The following PHF24 variants were observed in gnomAD, a reference collection of about 807,000 sequenced individuals.
PHF24 encodes Galpha inhibitory interacting protein.
Under a neutral mutation model 42.6 loss-of-function variants are expected in PHF24, and 25 were observed. That is an observed-to-expected ratio of 0.59 (90% CI 0.43 to 0.82). The LOEUF is 0.82. Among genes scored for constraint, PHF24 ranks in the 40% least tolerant of loss-of-function variants. The pLI, the probability that PHF24 is intolerant of heterozygous loss-of-function variation, is 0.00. For synonymous variants in PHF24, 185 were observed against 204.8 expected (o/e 0.90, Z 0.83); for missense variants, 470 against 538.1 (o/e 0.87, Z 1.25).
chr9:34,830,726 G>A, the PHF24 span, among the ~76,000 whole-genome samples: 6 of 152,280 alleles, frequency 3.9e-5, no homozygotes, highest in African/African-American at 7.2e-5. Flanking sequence ...AAGCTACACT[G>A]AGAGACCTCC....
chr9:34,967,962 G>A (rs556752049), intron 1 of PHF24, among the ~76,000 whole-genome samples: 2 of 152,318 alleles, frequency 1.3e-5, no homozygotes, highest in African/African-American at 4.8e-5. Flanking sequence ...TCATAGAACA[G>A]GGGACCCAAA....
the PHF24 span, among the ~76,000 whole-genome samples, chr9:34,883,474 G>C: frequency 1.3e-5 from 2 of 152,264 alleles, no homozygotes; most frequent in East Asian, 3.9e-4. Context: ...ATCTGACAAA[G>C]GGCTAATATC....
chr9:34,889,650 C>T, the PHF24 span: 3 of 398,450 alleles, frequency 7.5e-6, no homozygotes, highest in Admixed American at 1.3e-4. Flanking sequence ...AAGGATGATG[C>T]TCTTGTGAGT....
chr9:34,910,901 C>T, the PHF24 span, among the ~76,000 whole-genome samples: 1 of 151,892 alleles, frequency 6.6e-6, no homozygotes, highest in Non-Finnish European at 1.5e-5. Flanking sequence ...TAGCTTACTA[C>T]AGCTTCCATC....
chr9:34,891,788 G>A, the PHF24 span, among the ~76,000 whole-genome samples: 1 of 152,282 alleles, frequency 6.6e-6, no homozygotes, highest in South Asian at 2.1e-4. Context: ...GGCTTACATT[G>A]TATGATTTCC....
At chr9:34,814,952 G>A in the PHF24 span, among the ~76,000 whole-genome samples, 1 of 152,100 alleles carries the variant, frequency 6.6e-6, no homozygotes, top group Admixed American at 6.5e-5. Context: ...TGTTGGCCAG[G>A]CTAGTCTCGA....
the PHF24 span, chr9:34,728,115 G>A: frequency 6.5e-7 from 1 of 1,544,476 alleles, no homozygotes; most frequent in African/African-American, 1.4e-5. Context: ...TATATGGCAT[G>A]GGATAATTTC....
At chr9:34,805,749 C>T in the PHF24 span, among the ~76,000 whole-genome samples, 1 of 151,924 alleles carries the variant, frequency 6.6e-6, no homozygotes. Context: ...CTTTCGTTGC[C>T]TGTGCTTTTG....
chr9:34,763,455 A>G, the PHF24 span, among the ~76,000 whole-genome samples: 1 of 152,096 alleles, frequency 6.6e-6, no homozygotes, highest in East Asian at 1.9e-4. Context: ...TTCTCTTTGA[A>G]GCAATTGTGA....
At chr9:34,823,278 C>T in the PHF24 span, among the ~76,000 whole-genome samples, 1 of 150,960 alleles carries the variant, frequency 6.6e-6, no homozygotes, top group South Asian at 2.1e-4. Flanking sequence ...AAGGGACTTT[C>T]CAGCCTGGCA....
chr9:34,834,866 A>G, the PHF24 span: 1 of 1,496,898 alleles, frequency 6.7e-7, no homozygotes, highest in Non-Finnish European at 8.9e-7. Flanking sequence ...TTTAGGGAGC[A>G]GTTGGGGGAA....
In PHF24 at chr9:34,971,096, T is replaced by TTAAA. The variant is rs557222515; in HGVS notation, c.-4-182_-4-179dup. Among the ~76,000 whole-genome samples the TTAAA allele has an allele frequency of 7.8e-4, 118 of 151,884 alleles. 2 individuals carry two copies. The South Asian group carries it at 0.019, about 25-fold the overall frequency. On this transcript the variant is annotated intron_variant, in intron 1 of 7. Coordinates refer to ENST00000242315, the Ensembl canonical transcript of PHF24. The stretch of plus-strand genomic sequence containing the variant: ...TAAGACCTCATCTCTAATAAATAAA[T>TTAAA]TAAATAAATAAATAAATAAAATTTA...
chr9:34,702,083 G>T, the PHF24 span, among the ~76,000 whole-genome samples: 6 of 152,142 alleles, frequency 3.9e-5, no homozygotes, highest in Non-Finnish European at 8.8e-5. Flanking sequence ...GGGGCTGGAG[G>T]ATGAAGGGCT....
chr9:34,846,372 T>A, the PHF24 span, among the ~76,000 whole-genome samples: 1 of 151,844 alleles, frequency 6.6e-6, no homozygotes, highest in Non-Finnish European at 1.5e-5. Context: ...TTTTTTCATG[T>A]GTTTTTTGGC....
chr9:34,824,393 A>G, the PHF24 span, among the ~76,000 whole-genome samples: 1 of 152,242 alleles, frequency 6.6e-6, no homozygotes, highest in African/African-American at 2.4e-5. Flanking sequence ...CCTAGCATAG[A>G]TGTATGTATT....
chr9:34,703,749 A>T, the PHF24 span, among the ~76,000 whole-genome samples: 1 of 134,326 alleles, frequency 7.4e-6, no homozygotes, highest in Non-Finnish European at 1.7e-5. Context: ...AATAAAATGT[A>T]GAGACAGGGC....
the PHF24 span, among the ~76,000 whole-genome samples, chr9:34,749,422 C>T: frequency 6.6e-6 from 1 of 152,000 alleles, no homozygotes; most frequent in Admixed American, 6.6e-5. Context: ...TAATCAAACT[C>T]CTTAAAGTCA....
At chr9:34,831,622 T>C in the PHF24 span, among the ~76,000 whole-genome samples, 3 of 152,218 alleles carry the variant, frequency 2.0e-5, no homozygotes, top group African/African-American at 7.2e-5. Context: ...CCAAGCAAAC[T>C]GTCTTTTCTC....
At chr9:34,818,009 A>G in the PHF24 span, among the ~76,000 whole-genome samples, 4 of 152,234 alleles carry the variant, frequency 2.6e-5, no homozygotes, top group Admixed American at 2.6e-4. Flanking sequence ...CATTGATAAT[A>G]CATAGATATA....
Sources: gnomAD v4.1 joint callset for allele counts (sites outside exome capture counted in the v4.1 genomes callset) on GRCh38, gnomAD v4.1.1 for gene constraint, MANE v1.5 for transcripts, NCBI Gene and HGNC (gene_info 2026-07-23, HGNC 2026-07-21) for gene names.